ATF6: variants seen among roughly 807,000 people sequenced by gnomAD.
ATF6 encodes cyclic AMP-dependent transcription factor ATF-6 alpha.
A neutral mutation model predicts 83.6 loss-of-function variants in ATF6; 53 were observed. The observed-to-expected ratio is 0.63, with a 90% CI of 0.51 to 0.80. The LOEUF (loss-of-function observed/expected upper bound fraction) is 0.80. ATF6 is among the 30% of genes least tolerant of loss of function. The pLI, the probability that ATF6 is intolerant of heterozygous loss-of-function variation, is 0.00. For missense variants in ATF6, 744 were observed against 797.9 expected (o/e 0.93, Z 0.81); for synonymous variants, 288 against 285.8 (o/e 1.01, Z -0.08).
At chr1:161,834,560 G>A (rs1027148460) in intron 9 of ATF6, among the ~76,000 whole-genome samples, 4 of 147,268 alleles carry the variant, frequency 2.7e-5, no homozygotes, top group Non-Finnish European at 4.5e-5. Context: ...TCACTCATAG[G>A]TGGGAATTGA....
At chr1:161,948,460 T>G (rs1688799481) in intron 15 of ATF6, among the ~76,000 whole-genome samples, 1 of 152,254 alleles carries the variant, frequency 6.6e-6, no homozygotes, top group African/African-American at 2.4e-5. Flanking sequence ...CAGTTACTTT[T>G]TTCACATGAT....
intron 12 of ATF6, 75 bp downstream of exon 12, chr1:161,853,398 C>G (rs1686684272): frequency 9.0e-7 from 1 of 1,113,020 alleles, no homozygotes; most frequent in African/African-American, 1.7e-5. Context: ...TTACTCTCTT[C>G]CCTAGAAGGT....
chr1:161,785,034 C>T (rs563103795), intron 4 of ATF6, among the ~76,000 whole-genome samples: 185 of 152,190 alleles, frequency 1.2e-3, no homozygotes, highest in African/African-American at 4.2e-3. Context: ...ATGATCTGGC[C>T]CCCATTTACT....
intron 7 of ATF6, among the ~76,000 whole-genome samples, chr1:161,808,653 G>A (rs1351510262): frequency 1.3e-5 from 2 of 151,784 alleles, no homozygotes. Context: ...GCTCACTATT[G>A]CCTTAAATAT....
At chr1:161,822,028 C>A (rs1685777608) in intron 9 of ATF6, among the ~76,000 whole-genome samples, 2 of 151,986 alleles carry the variant, frequency 1.3e-5, no homozygotes, top group Non-Finnish European at 2.9e-5. Flanking sequence ...CCTTGAGGGA[C>A]CGAATGGTGG....
chr1:161,831,333 T>A (rs1343146821), intron 9 of ATF6, among the ~76,000 whole-genome samples: 1 of 152,188 alleles, frequency 6.6e-6, no homozygotes, highest in Non-Finnish European at 1.5e-5. Flanking sequence ...AGGAACACTT[T>A]TACACTGTTG....
intron 15 of ATF6, among the ~76,000 whole-genome samples, chr1:161,919,779 G>A (rs1027215638): frequency 5.3e-5 from 8 of 152,164 alleles, no homozygotes; most frequent in African/African-American, 1.9e-4. Context: ...AGGCTAAACT[G>A]TAATTATATT....
intron 14 of ATF6, among the ~76,000 whole-genome samples, chr1:161,900,060 T>C (rs764953888): frequency 2.4e-4 from 35 of 147,216 alleles, no homozygotes; most frequent in Non-Finnish European, 4.0e-4. Flanking sequence ...AAACATTTAT[T>C]GACTTAACTT....
intron 4 of ATF6, among the ~76,000 whole-genome samples, chr1:161,787,514 A>C (rs1684771681): frequency 6.6e-6 from 1 of 151,924 alleles, no homozygotes; most frequent in Admixed American, 6.6e-5. Context: ...GTGACTCCTC[A>C]TGCCAGGCCG....
chr1:161,782,443 G>A (rs957878756), intron 3 of ATF6, among the ~76,000 whole-genome samples: 2 of 152,122 alleles, frequency 1.3e-5, no homozygotes, highest in African/African-American at 2.4e-5. Context: ...TGATGAGGTC[G>A]GGGTTGAGTA....
rs1162209800 is a variant in ATF6 at position 161,819,633 on chromosome 1, A to G, written c.910A>G (p.Ile304Val). The part of the protein sequence containing the change: ...QSTMRNVGSD[I>V]AVLRRQQRMI... ...TCTGATTCATTATAACTTTTTCTAG[A>G]TTGCTGTGCTAAGGAGACAGCAACG... Residue 304 changes from isoleucine to valine, a missense_variant and splice_region_variant, in exon 8 of 16, where the codon ATT becomes GTT. Transcript: ENST00000367942. 1 of 1,564,732 alleles carries G rather than the reference A, an allele frequency of 6.4e-7. No individual in the cohort carries two copies. The highest frequency in any genetic ancestry group is 8.6e-7 in the Non-Finnish European group (1 of 1,161,182).
rs2101888736 is a variant in ATF6 at position 161,912,343 on chromosome 1, A to G, written c.1767A>G (p.Pro589=). 1 of 1,610,900 alleles carries G rather than the reference A, an allele frequency of 6.2e-7. No homozygotes were observed. Among genetic ancestry groups the G allele is most frequent in the Admixed American group, 1.7e-5 (1 of 59,568 alleles). Residue 589 remains proline (P), a synonymous_variant, in exon 15 of 16, where the codon CCA becomes CCG. Coordinates refer to ENST00000367942, the MANE Select transcript of ATF6 (RefSeq NM_007348.4). The part of the protein sequence containing the change: ...PATTHNKTTR[P]KMSIVLPAIN... ...CCACCCATAACAAGACCACAAGACC[A>G]AAAATGTCAATTGTGTTACCAGCAA...
chr1:161,889,363 A>G (rs908471369), intron 14 of ATF6, among the ~76,000 whole-genome samples: 1 of 152,210 alleles, frequency 6.6e-6, no homozygotes, highest in Non-Finnish European at 1.5e-5. Context: ...TACTGAAGTC[A>G]ACTTCTCCCT....
chr1:161,899,246 A>C (rs1426198741), intron 14 of ATF6, among the ~76,000 whole-genome samples: 1 of 152,198 alleles, frequency 6.6e-6, no homozygotes, highest in Non-Finnish European at 1.5e-5. Flanking sequence ...CAGTATTCCC[A>C]GGATGTCATT....
At chr1:161,897,248 A>G (rs1367944732) in intron 14 of ATF6, among the ~76,000 whole-genome samples, 1 of 152,058 alleles carries the variant, frequency 6.6e-6, no homozygotes, top group Non-Finnish European at 1.5e-5. Flanking sequence ...AGCCTGGGCA[A>G]CACGATGAAA....
chr1:161,851,620 T>A, intron 10 of ATF6, 102 bp from the exon 11 acceptor site: 1 of 704,030 alleles, frequency 1.4e-6, no homozygotes, highest in Non-Finnish European at 2.5e-6. Flanking sequence ...TTTACTATAT[T>A]TTTGTTTCCA....
At chr1:161,832,830 C>T (rs1411286767) in intron 9 of ATF6, among the ~76,000 whole-genome samples, 2 of 152,222 alleles carry the variant, frequency 1.3e-5, no homozygotes, top group Non-Finnish European at 2.9e-5. Context: ...CCTCTAGGGG[C>T]AGGGCACAGA....
chr1:161,922,203 T>G (rs1455485841), intron 15 of ATF6, among the ~76,000 whole-genome samples: 1 of 152,256 alleles, frequency 6.6e-6, no homozygotes, highest in Non-Finnish European at 1.5e-5. Flanking sequence ...ATCATTATCC[T>G]TCTTGAGAAC....
chr1:161,872,417 G>A (rs10918104), intron 14 of ATF6, among the ~76,000 whole-genome samples: 21,483 of 151,230 alleles, frequency 0.14, 2,083 homozygotes, highest in East Asian at 0.32. Context: ...GAGTTGTTTC[G>A]GGATCATTTT....
Sources: gnomAD v4.1 joint callset for allele counts (sites outside exome capture counted in the v4.1 genomes callset) on GRCh38, gnomAD v4.1.1 for gene constraint, MANE v1.5 for transcripts, NCBI Gene and HGNC (gene_info 2026-07-23, HGNC 2026-07-21) for gene names.